CTNNA3: variants seen among roughly 807,000 people sequenced by gnomAD.
The protein encoded by CTNNA3 is catenin alpha-3.
Under a neutral mutation model 95.7 loss-of-function variants are expected in CTNNA3, and 76 were observed. The observed-to-expected ratio is 0.79, with a 90% CI of 0.66 to 0.96. The LOEUF (loss-of-function observed/expected upper bound fraction) is 0.96. Among genes scored for constraint, CTNNA3 ranks in the 40% least tolerant of loss-of-function variants. The pLI is 0.00. For synonymous variants in CTNNA3, 431 were observed against 374.4 expected, an observed-to-expected ratio of 1.15 and a Z score of -1.74; for missense variants, 1,191 against 1,089.8, an observed-to-expected ratio of 1.09 and a Z score of -1.31.
At chr10:66,275,859 T>C (rs1225926082) in intron 13 of CTNNA3, among the ~76,000 whole-genome samples, 1 of 151,492 alleles carries the variant, frequency 6.6e-6, no homozygotes, top group Non-Finnish European at 1.5e-5. Context: ...ATGACAGAAA[T>C]TTATAGAAGT....
At chr10:67,701,293 C>T (rs1444616116) in intron 1 of CTNNA3, among the ~76,000 whole-genome samples, 2 of 151,984 alleles carry the variant, frequency 1.3e-5, no homozygotes, top group African/African-American at 4.8e-5. Flanking sequence ...AGATACTCCT[C>T]GAGAAGAGCA....
intron 14 of CTNNA3, among the ~76,000 whole-genome samples, chr10:66,074,239 ATT>A (rs1390437359): frequency 1.4e-5 from 2 of 139,404 alleles, no homozygotes; most frequent in Non-Finnish European, 3.2e-5. Flanking sequence ...ATATATATAT[ATT>A]TCTATAAATT....
At chr10:67,518,572 TG>T (rs1183127489) in intron 5 of CTNNA3, among the ~76,000 whole-genome samples, 2 of 152,118 alleles carry the variant, frequency 1.3e-5, no homozygotes, top group Admixed American at 6.6e-5. Flanking sequence ...AACTCAATAA[TG>T]TCAACTTTAA....
At chr10:67,214,308 A>G (rs1435370224) in intron 6 of CTNNA3, among the ~76,000 whole-genome samples, 1 of 151,610 alleles carries the variant, frequency 6.6e-6, no homozygotes, top group Non-Finnish European at 1.5e-5. Flanking sequence ...ACACATTTTT[A>G]GTAGTTACTA....
intron 7 of CTNNA3, among the ~76,000 whole-genome samples, chr10:67,071,160 T>C (rs1045112358): frequency 6.6e-6 from 1 of 152,182 alleles, no homozygotes; most frequent in African/African-American, 2.4e-5. Context: ...TAGTTCACAT[T>C]CATTTGTATA....
intron 15 of CTNNA3, among the ~76,000 whole-genome samples, chr10:66,058,232 A>G (rs1381562369): frequency 1.3e-5 from 2 of 152,168 alleles, no homozygotes; most frequent in Non-Finnish European, 2.9e-5. Flanking sequence ...AGAAAGATTT[A>G]ATTCTGAAAC....
intron 5 of CTNNA3, among the ~76,000 whole-genome samples, chr10:67,222,585 T>C (rs1413447468): frequency 1.3e-5 from 2 of 152,214 alleles, no homozygotes; most frequent in Non-Finnish European, 2.9e-5. Context: ...ATCTTAGTGA[T>C]TTTTGTATTT....
intron 7 of CTNNA3, among the ~76,000 whole-genome samples, chr10:66,829,238 G>C (rs1407082593): frequency 6.6e-6 from 1 of 152,192 alleles, no homozygotes; most frequent in Non-Finnish European, 1.5e-5. Flanking sequence ...TGAGTCAGAG[G>C]AACACAGGAA....
chr10:66,368,698 A>T (rs937457327), intron 12 of CTNNA3, among the ~76,000 whole-genome samples: 1 of 152,190 alleles, frequency 6.6e-6, no homozygotes, highest in Non-Finnish European at 1.5e-5. Context: ...CAACAGAAGT[A>T]GCTATTAAAG....
chr10:67,074,952 C>T (rs1856671152), intron 7 of CTNNA3, among the ~76,000 whole-genome samples: 1 of 152,088 alleles, frequency 6.6e-6, no homozygotes, highest in Non-Finnish European at 1.5e-5. Context: ...CTCTCTACCT[C>T]CCTTTTGCAT....
chr10:67,739,056 G>C (rs1564843805), intron 1 of CTNNA3, among the ~76,000 whole-genome samples: 1 of 152,116 alleles, frequency 6.6e-6, no homozygotes, highest in Non-Finnish European at 1.5e-5. Flanking sequence ...AACCTAGCAA[G>C]GCAGGGCAAC....
At chr10:65,938,599 C>T (rs2133168855) in intron 17 of CTNNA3, among the ~76,000 whole-genome samples, 1 of 152,208 alleles carries the variant, frequency 6.6e-6, no homozygotes, top group Non-Finnish European at 1.5e-5. Context: ...TTCCTGGATC[C>T]CAGCCCTGAA....
chr10:66,988,830 T>C (rs1168497868), intron 7 of CTNNA3, among the ~76,000 whole-genome samples: 1 of 151,968 alleles, frequency 6.6e-6, no homozygotes, highest in African/African-American at 2.4e-5. Context: ...ATAAACCTCT[T>C]TCCTGAAACT....
At chr10:67,395,215 G>T (rs1844668505) in intron 5 of CTNNA3, among the ~76,000 whole-genome samples, 1 of 152,146 alleles carries the variant, frequency 6.6e-6, no homozygotes, top group African/African-American at 2.4e-5. Flanking sequence ...ATAGGCTAAT[G>T]ATGCTTAAAA....
chr10:67,688,299 G>C (rs1840773737), intron 1 of CTNNA3, among the ~76,000 whole-genome samples: 1 of 152,102 alleles, frequency 6.6e-6, no homozygotes, highest in Non-Finnish European at 1.5e-5. Context: ...TGGTCCTTTG[G>C]AGATTTCTTT....
intron 3 of CTNNA3, among the ~76,000 whole-genome samples, chr10:67,558,031 A>T (rs1259657200): frequency 6.6e-6 from 1 of 152,148 alleles, no homozygotes; most frequent in African/African-American, 2.4e-5. Flanking sequence ...GCAGAACCTA[A>T]GCCATATTCC....
At chr10:66,302,764 TA>T (rs1018464931) in intron 12 of CTNNA3, among the ~76,000 whole-genome samples, 8 of 152,056 alleles carry the variant, frequency 5.3e-5, no homozygotes, top group African/African-American at 1.7e-4. Flanking sequence ...ATAAATAGTT[TA>T]AAAAAAGATT....
chr10:67,754,567 C>G (rs1051080198), intron 1 of CTNNA3, among the ~76,000 whole-genome samples: 3 of 152,148 alleles, frequency 2.0e-5, no homozygotes, highest in African/African-American at 4.8e-5. Context: ...AGACCTGAAA[C>G]TATGAAACTA....
chr10:67,699,272 C>A (rs932899865), upstream of CTNNA3, among the ~76,000 whole-genome samples: 3 of 151,870 alleles, frequency 2.0e-5, no homozygotes, highest in African/African-American at 7.3e-5. Flanking sequence ...TCTGTGCCTT[C>A]ATCATAATAC....
Sources: allele counts gnomAD v4.1 joint callset (sites outside exome capture counted in the v4.1 genomes callset), GRCh38; gene constraint gnomAD v4.1.1; transcripts MANE v1.5; gene names NCBI Gene and HGNC (gene_info 2026-07-23, HGNC 2026-07-21).